The following DSCAM variants were observed in gnomAD, a reference collection of about 807,000 sequenced individuals.
The protein encoded by DSCAM is cell adhesion molecule DSCAM.
A neutral mutation model predicts 217.7 loss-of-function variants in DSCAM; 47 were observed. The observed-to-expected ratio is 0.22, with a 90% CI of 0.17 to 0.28. DSCAM has a LOEUF of 0.28. DSCAM is among the 10% of genes least tolerant of loss of function. The pLI is 1.00. For missense variants in DSCAM, 2,080 were observed against 2,618.3 expected, an observed-to-expected ratio of 0.79 and a Z score of 4.49; for synonymous variants, 1,056 against 1,015.3, an observed-to-expected ratio of 1.04 and a Z score of -0.76.
intron 3 of DSCAM, among the ~76,000 whole-genome samples, chr21:40,409,276 A>C (rs767636655): frequency 1.9e-4 from 29 of 152,378 alleles, no homozygotes; most frequent in Non-Finnish European, 3.4e-4. Flanking sequence ...CTTGATTAAG[A>C]AAGTCCCTAT....
intron 15 of DSCAM, among the ~76,000 whole-genome samples, chr21:40,167,794 C>T (rs748348151): frequency 8.5e-5 from 13 of 152,100 alleles, no homozygotes; most frequent in Non-Finnish European, 1.6e-4. Flanking sequence ...TGGCCGGGCA[C>T]GGTGGCTCAC....
At position 40,453,447 on chromosome 21, in the gene DSCAM, G is replaced by A. The variant is rs547831838; in HGVS notation, c.509-84202C>T. ...AGGCAAATGACTTTATGTCCTCAAT[G>A]CACAAAACGCCTGCAACAACAAAAT... is the stretch of plus-strand genomic sequence containing the variant. On this transcript the variant is annotated intron_variant, in intron 3 of 32. Transcript: ENST00000400454. 3.3e-5 allele frequency among the ~76,000 whole-genome samples: 5 copies of A among 152,238 alleles called. No individual in the cohort carries two copies. In the South Asian group the frequency reaches 1.0e-3, roughly 32 times the overall value.
intron 3 of DSCAM, among the ~76,000 whole-genome samples, chr21:40,640,080 T>A (rs1187919533): frequency 6.7e-6 from 1 of 149,304 alleles, no homozygotes; most frequent in African/African-American, 2.4e-5. Context: ...TCTACCAGAA[T>A]AAGGACGCAA....
At chr21:40,510,262 GA>G (rs2076247920) in intron 3 of DSCAM, among the ~76,000 whole-genome samples, 1 of 152,008 alleles carries the variant, frequency 6.6e-6, no homozygotes, top group African/African-American at 2.4e-5. Flanking sequence ...CTAAAAAAAA[GA>G]CTATGAAATT....
At chr21:40,578,616 G>A (rs34850679) in intron 3 of DSCAM, among the ~76,000 whole-genome samples, 6,781 of 152,210 alleles carry the variant, frequency 0.045, 219 homozygotes, top group Non-Finnish European at 0.065. Context: ...TTTGCACTGT[G>A]GTACCTTTGT....
At chr21:40,772,828 C>T (rs1006452744) in intron 1 of DSCAM, among the ~76,000 whole-genome samples, 1 of 152,244 alleles carries the variant, frequency 6.6e-6, no homozygotes, top group Admixed American at 6.5e-5. Flanking sequence ...TAACAAATTC[C>T]ATAACTTCAC....
chr21:40,785,205 G>A (rs2091582160), intron 1 of DSCAM, among the ~76,000 whole-genome samples: 1 of 152,210 alleles, frequency 6.6e-6, no homozygotes, highest in Non-Finnish European at 1.5e-5. Context: ...CCACACTGAT[G>A]AGCAAATCTG....
In DSCAM at chr21:40,650,786, C is replaced by T. The variant is rs552240719; in HGVS notation, c.508+42024G>A. ...AAAATTAGCCAGGCGTGGTGGTGTG[C>T]GCCTTTAGTCCCAGCTACTCAGGAG... On this transcript the variant is annotated intron_variant, in intron 3 of 32. Transcript: ENST00000400454. 5.7e-4 allele frequency among the ~76,000 whole-genome samples: 87 copies of T among 152,218 alleles called. 1 individual carries two copies. Among genetic ancestry groups the T allele is most frequent in the South Asian group, 3.5e-3 (17 of 4,828 alleles).
rs113016250 is a variant in DSCAM, at chr21:40,554,196, G to GTT, written c.508+138612_508+138613dup. Among the ~76,000 whole-genome samples the GTT allele has an allele frequency of 5.7e-3, 751 of 132,562 alleles. 7 individuals carry two copies. Among genetic ancestry groups the GTT allele is most frequent in the African/African-American group, 0.018 (664 of 36,680 alleles). The allele number at this position is 132,562 out of a possible 152,430, so 87.0% of individuals were successfully genotyped here. The stretch of plus-strand genomic sequence containing the variant: ...GCCTGGCTGTTTGTTTTGATTGTTA[G>GTT]TTTTTTTTTTTTTTTTTAATGCGAC... On this transcript the variant is annotated intron_variant, in intron 3 of 32. Transcript: ENST00000400454.
chr21:40,731,733 C>G (rs867162805), intron 1 of DSCAM, among the ~76,000 whole-genome samples: 2,050 of 122,448 alleles, frequency 0.017, 123 homozygotes, highest in African/African-American at 0.058. Flanking sequence ...ACTGCACCCC[C>G]CCCCCCGCCC....
chr21:40,585,313 T>C (rs1442712174), intron 3 of DSCAM, among the ~76,000 whole-genome samples: 1 of 151,284 alleles, frequency 6.6e-6, no homozygotes, highest in Non-Finnish European at 1.5e-5. Flanking sequence ...AGATACTCTA[T>C]TGAGTGTTAA....
intron 6 of DSCAM, among the ~76,000 whole-genome samples, chr21:40,341,165 T>C (rs2074487116): frequency 6.6e-6 from 1 of 152,218 alleles, no homozygotes; most frequent in Admixed American, 6.5e-5. Flanking sequence ...TTTAAAATAT[T>C]AAAATGAAAA....
intron 3 of DSCAM, among the ~76,000 whole-genome samples, chr21:40,638,016 A>G (rs2089829895): frequency 6.6e-6 from 1 of 152,008 alleles, no homozygotes; most frequent in African/African-American, 2.4e-5. Context: ...CTCATTTTAG[A>G]TCCTATTAAA....
At chr21:40,747,790 T>C (rs1308727462) in intron 1 of DSCAM, among the ~76,000 whole-genome samples, 1 of 151,912 alleles carries the variant, frequency 6.6e-6, no homozygotes, top group Non-Finnish European at 1.5e-5. Context: ...TAGGCCAATA[T>C]TCCTGATGAA....
chr21:40,767,888 T>TCTCTCTC lies in DSCAM; in HGVS notation c.44-59118_44-59117insGAGAGAG, dbSNP rs67078823. ...ATACATGGCTCACCATTTTCTCTCT[T>TCTCTCTC]TCTCTCTCTCCCTGTGTGTGTGTGC... On this transcript the variant is annotated intron_variant, in intron 1 of 32. Transcript: ENST00000400454. 7.2e-3 allele frequency among the ~76,000 whole-genome samples: 1,093 copies of TCTCTCTC among 151,056 alleles called. 4 individuals are homozygous for TCTCTCTC. Among genetic ancestry groups the TCTCTCTC allele is most frequent in the Middle Eastern group, 0.01 (3 of 290 alleles).
At chr21:40,412,629 G>T (rs934481879) in intron 3 of DSCAM, among the ~76,000 whole-genome samples, 1 of 152,234 alleles carries the variant, frequency 6.6e-6, no homozygotes, top group African/African-American at 2.4e-5. Flanking sequence ...CATTCAAGAT[G>T]TGACTAGGGT....
rs2090181866 is a variant in DSCAM, at chr21:40,134,021, G to C, written c.3407-12C>G. On this transcript the variant is annotated splice_polypyrimidine_tract_variant and intron_variant, in intron 18 of 32. Coordinates refer to ENST00000400454, the MANE Select transcript of DSCAM (RefSeq NM_001389.5). ...AATCTCACCCAGCTCTGGAGGACAAGAACAAGAAAACAAAATCCCACTTCT... is the reference window on the plus strand; with the variant it reads ...AATCTCACCCAGCTCTGGAGGACAACAACAAGAAAACAAAATCCCACTTCT... 1 of 1,600,734 alleles carries C rather than the reference G, an allele frequency of 6.2e-7. No individual in the cohort carries two copies. The highest frequency in any genetic ancestry group is 8.5e-7 in the Non-Finnish European group (1 of 1,174,652).
intron 3 of DSCAM, among the ~76,000 whole-genome samples, chr21:40,556,601 G>A (rs1191728260): frequency 1.3e-5 from 2 of 152,160 alleles, no homozygotes; most frequent in African/African-American, 2.4e-5. Context: ...CACTCATGGT[G>A]GAAGGCAAAG....
chr21:40,376,560 AT>A (rs574649923), intron 3 of DSCAM, among the ~76,000 whole-genome samples: 4 of 111,042 alleles, frequency 3.6e-5, no homozygotes, highest in African/African-American at 1.1e-4. Context: ...ATCGATATCT[AT>A]ATATCTTATA....
Sources: allele counts gnomAD v4.1 joint callset (sites outside exome capture counted in the v4.1 genomes callset), GRCh38; gene constraint gnomAD v4.1.1; transcripts MANE v1.5; gene names NCBI Gene and HGNC (gene_info 2026-07-23, HGNC 2026-07-21).